AKAP11: variants seen among roughly 807,000 people sequenced by gnomAD.
The protein encoded by AKAP11 is A-kinase anchor protein 11.
A neutral mutation model predicts 146.1 loss-of-function variants in AKAP11; 36 were observed. That is an observed-to-expected ratio of 0.25 (90% confidence interval 0.19 to 0.33). The LOEUF (loss-of-function observed/expected upper bound fraction) is 0.33, where lower values mean the gene tolerates loss of function less well. AKAP11 is among the 10% of genes least tolerant of loss of function. AKAP11 has a pLI of 1.00. For missense variants in AKAP11, 2,201 were observed against 2,197.0 expected (o/e 1.00, Z -0.04); for synonymous variants, 780 against 786.5 (o/e 0.99, Z 0.14).
chr13:42,314,594 A>G (rs1016604574), intron 11 of AKAP11, among the ~76,000 whole-genome samples: 1 of 152,174 alleles, frequency 6.6e-6, no homozygotes, highest in African/African-American at 2.4e-5. Flanking sequence ...TATTATAACT[A>G]TGGCATATTA....
intron 8 of AKAP11, 30 bp downstream of exon 8, chr13:42,303,893 T>C (rs745483205): frequency 4.6e-6 from 7 of 1,531,294 alleles, no homozygotes; most frequent in Non-Finnish European, 6.1e-6. Flanking sequence ...TGGTTGTTAA[T>C]GATAAATTAA....
Position 42,305,902 on chromosome 13 carries a change from G to A in AKAP11, c.5117+2039G>A, listed in dbSNP as rs117003145. ...GGGAAGCAAGTGTTTTCTTCACAAG[G>A]CAGCAGGAGAGAGAGAGAAGGGGGA... is the stretch of plus-strand genomic sequence containing the variant. On this transcript the variant is annotated intron_variant, in intron 8 of 12. Transcript: ENST00000025301. Among the ~76,000 whole-genome samples, 648 of 152,292 alleles carry A rather than the reference G, an allele frequency of 4.3e-3. 13 individuals are homozygous for A. The East Asian group carries it at 0.046, about 11-fold the overall frequency.
chr13:42,301,662 T>A lies in AKAP11; in HGVS notation c.2916T>A (p.Pro972=). The change falls in exon 8 of 13, where the codon CCT becomes CCA. Residue 972 remains proline, a synonymous_variant. Transcript: ENST00000025301. ...ATGCAGTATACAAGGAAAGCTTGCCTGTTTCTGGAGAAGAATCACAGTTGA... is the reference window on the plus strand; with the variant it reads ...ATGCAGTATACAAGGAAAGCTTGCCAGTTTCTGGAGAAGAATCACAGTTGA... ...DKNAVYKESL[P]VSGEESQLTP... 4.3e-6 allele frequency: 7 copies of A among 1,614,160 alleles called. No homozygotes were observed. Among genetic ancestry groups the A allele is most frequent in the Non-Finnish European group, 5.9e-6 (7 of 1,180,004 alleles).
At chr13:42,280,931 A>G (rs1187626018) in intron 1 of AKAP11, among the ~76,000 whole-genome samples, 1 of 152,200 alleles carries the variant, frequency 6.6e-6, no homozygotes, top group Non-Finnish European at 1.5e-5. Flanking sequence ...AGCTTGGCCT[A>G]CTGGTTGGGT....
intron 1 of AKAP11, among the ~76,000 whole-genome samples, chr13:42,280,587 T>C (rs1414557168): frequency 1.3e-5 from 2 of 152,252 alleles, no homozygotes; most frequent in East Asian, 1.9e-4. Context: ...TTTGAATGCC[T>C]ACTATGTAAA....
rs140676601 is a variant in AKAP11, at chr13:42,300,054, A to T, written c.1308A>T (p.Pro436=). The change falls in exon 8 of 13, where the codon CCA becomes CCT. Residue 436 remains proline, a synonymous_variant. Coordinates refer to ENST00000025301, the MANE Select transcript of AKAP11 (RefSeq NM_016248.4). ...GTGATGCTCCGGATTCTCCTCGCCCAGTGAAGGCATCAAGGGAAGATAGTG... is the reference window on the plus strand; with the variant it reads ...GTGATGCTCCGGATTCTCCTCGCCCTGTGAAGGCATCAAGGGAAGATAGTG... ...NLCDAPDSPR[P]VKASREDSGL... The T allele has an allele frequency of 9.9e-6, 16 of 1,613,960 alleles. No homozygotes were observed. Among genetic ancestry groups the T allele is most frequent in the Non-Finnish European group, 8.5e-6 (10 of 1,179,840 alleles).
At chr13:42,291,888 CT>C (rs1959225128) in intron 3 of AKAP11, among the ~76,000 whole-genome samples, 1 of 152,168 alleles carries the variant, frequency 6.6e-6, no homozygotes, top group Admixed American at 6.5e-5. Context: ...AGACAGCTTC[CT>C]TAAGATCCAT....
At chr13:42,291,409 T>C (rs1164947114) in intron 3 of AKAP11, among the ~76,000 whole-genome samples, 1 of 152,112 alleles carries the variant, frequency 6.6e-6, no homozygotes, top group East Asian at 1.9e-4. Flanking sequence ...CGTGGCACCA[T>C]GCCAGGCTAA....
At chr13:42,272,060 G>A (rs1202854423), upstream of AKAP11, 2 of 147,870 alleles carry the variant, frequency 1.4e-5, no homozygotes, top group African/African-American at 5.1e-5. Flanking sequence ...CTGCGGCGGC[G>A]GCGGCGGCGG....
At position 42,299,438 on chromosome 13, in the gene AKAP11, A is replaced by G; in HGVS notation, c.692A>G (p.His231Arg). The change falls in exon 8 of 13, where the codon CAT (histidine) becomes CGT (arginine). Residue 231 changes from histidine (H) to arginine (R), a missense_variant. Physicochemically the swap from His to Arg is conservative, Grantham distance 29 (BLOSUM62 0). Coordinates refer to ENST00000025301, the MANE Select transcript of AKAP11 (RefSeq NM_016248.4). Reference protein sequence around the residue: ...QTVTGHHLETHDLKILISSGQ... With the variant: ...QTVTGHHLETRDLKILISSGQ... ...GTTACTGGTCATCATTTAGAAACCCATGATTTAAAGATTCTCATTAGCTCT... is the reference window on the plus strand; with the variant it reads ...GTTACTGGTCATCATTTAGAAACCCGTGATTTAAAGATTCTCATTAGCTCT... 6.2e-7 allele frequency: 1 copy of G among 1,613,900 alleles called. No individual in the cohort carries two copies. Among genetic ancestry groups the G allele is most frequent in the Non-Finnish European group, 8.5e-7 (1 of 1,179,828 alleles).
rs920958489 is a variant in AKAP11, at chr13:42,314,125, C to T, written c.5404+185C>T. Among the ~76,000 whole-genome samples the T allele has an allele frequency of 5.3e-5, 8 of 152,216 alleles. 1 individual carries two copies. The highest frequency in any genetic ancestry group is 3.3e-4 in the Admixed American group (5 of 15,290). ...TTTGTTGAGTAGTTTTATTTGATTG[C>T]TACACTAATGAAATTGTCATTGGTA... On this transcript the variant is annotated intron_variant, in intron 11 of 12. Coordinates refer to ENST00000025301, the MANE Select transcript of AKAP11 (RefSeq NM_016248.4).
At position 42,299,948 on chromosome 13, in the gene AKAP11, T is replaced by C. The variant is rs2138582359; in HGVS notation, c.1202T>C (p.Phe401Ser). The change falls in exon 8 of 13, where the codon TTC (phenylalanine) becomes TCC (serine). Residue 401 changes from phenylalanine (F) to serine (S), a missense_variant. Transcript: ENST00000025301. ...HGKSCMNPQK[F>S]KFDRPALPAN... ...AAGTCATGTATGAATCCTCAAAAAT[T>C]CAAGTTTGATCGTCCAGCTCTCCCA... is the stretch of plus-strand genomic sequence containing the variant. 2 of 1,613,926 alleles carry C rather than the reference T, an allele frequency of 1.2e-6. No individual in the cohort carries two copies. Among genetic ancestry groups the C allele is most frequent in the East Asian group, 4.5e-5 (2 of 44,870 alleles).
intron 1 of AKAP11, among the ~76,000 whole-genome samples, chr13:42,279,107 T>C (rs1958996466): frequency 6.6e-6 from 1 of 152,240 alleles, no homozygotes; most frequent in Non-Finnish European, 1.5e-5. Flanking sequence ...GGTTATGATT[T>C]GCCTTGGCTT....
In AKAP11 at chr13:42,320,320, C is replaced by T. The variant is rs1326501370; in HGVS notation, c.*1092C>T. The T allele has an allele frequency of 6.8e-6, 1 of 147,292 alleles. No individual in the cohort carries two copies. The highest frequency in any genetic ancestry group is 2.0e-4 in the East Asian group (1 of 5,090). 9.1% of individuals were successfully genotyped at this position (147,292 alleles called of 1,614,324 possible). A position where few individuals can be genotyped will look rare whatever the true frequency, so the allele number is the denominator to read the frequency against. On this transcript the variant is annotated 3_prime_UTR_variant, in exon 13 of 13. Transcript: ENST00000025301. ...GAAAAATTGGGATTTCCCCCCACCC[C>T]GCCCCACCCAGATAAACTATATCTA...
Position 42,301,897 on chromosome 13 carries a change from AATAGTAC to A in AKAP11, c.3154_3160del (p.Ser1052HisfsTer27), listed in dbSNP as rs1371244634. ...TCAACCACTGAAAAAGCATAACTTGAATAGTACATCACTTGAGGCCTTGTCTTTTGGA... is the reference window on the plus strand; with the variant it reads ...TCAACCACTGAAAAAGCATAACTTGAATCACTTGAGGCCTTGTCTTTTGGA... On this transcript the variant is annotated frameshift_variant, in exon 8 of 13. Transcript: ENST00000025301. LOFTEE classifies it high-confidence loss of function. The A allele has an allele frequency of 6.2e-7, 1 of 1,614,182 alleles. No homozygotes were observed. The highest frequency in any genetic ancestry group is 8.5e-7 in the Non-Finnish European group (1 of 1,180,018).
Position 42,286,392 on chromosome 13 carries a change from T to C in AKAP11, c.44T>C (p.Val15Ala). 6.3e-7 allele frequency: 1 copy of C among 1,598,626 alleles called. No individual in the cohort carries two copies. Among genetic ancestry groups the C allele is most frequent in the South Asian group, 1.1e-5 (1 of 87,562 alleles). The change falls in exon 3 of 13, where the codon GTC becomes GCC. Residue 15 changes from valine to alanine, a missense_variant. This residue lies in a region of AKAP11 where 331 missense variants were observed against 347.4 expected (regional missense o/e 0.95). Transcript: ENST00000025301. ...RNNHMKTKAS[V>A]RKSFSEDVFQ... ...AATCACATGAAGACTAAAGCATCTGTCAGAAAAGTAAGTTCACTCTATTAG... is the reference window on the plus strand; with the variant it reads ...AATCACATGAAGACTAAAGCATCTGCCAGAAAAGTAAGTTCACTCTATTAG...
chr13:42,316,000 G>A (rs1269545980), intron 11 of AKAP11, among the ~76,000 whole-genome samples: 1 of 152,176 alleles, frequency 6.6e-6, no homozygotes, highest in Non-Finnish European at 1.5e-5. Flanking sequence ...AACACCAGCA[G>A]TGCAAAGAAG....
intron 12 of AKAP11, 115 bp from the exon 13 acceptor site, chr13:42,318,973 G>A (rs867469088): frequency 1.2e-5 from 15 of 1,228,152 alleles, no homozygotes; most frequent in South Asian, 1.4e-5. Flanking sequence ...ACTAGGAAAC[G>A]GTATTTAATT....
rs138988678 is a variant in AKAP11, at chr13:42,305,868, A to T, written c.5117+2005A>T. 8.4e-3 allele frequency among the ~76,000 whole-genome samples: 1,278 copies of T among 152,336 alleles called. 11 individuals are homozygous for T. Among genetic ancestry groups the T allele is most frequent in the South Asian group, 0.035 (168 of 4,830 alleles). On this transcript the variant is annotated intron_variant, in intron 8 of 12. Coordinates refer to ENST00000025301, the MANE Select transcript of AKAP11 (RefSeq NM_016248.4). ...CTCAGGAGACTTACAGTCATGGCAC[A>T]AGGCAAAGGGGAAGCAAGTGTTTTC...
Sources: gnomAD v4.1 joint callset for allele counts (sites outside exome capture counted in the v4.1 genomes callset) on GRCh38, gnomAD v4.1.1 for gene constraint, gnomAD v4.1.1 regional missense constraint, MANE v1.5 for transcripts, NCBI Gene and HGNC (gene_info 2026-07-23, HGNC 2026-07-21) for gene names.